Variants in UBR4 observed in about 807,000 individuals in gnomAD.
UBR4 encodes E3 ubiquitin-protein ligase UBR4.
UBR4 carries 124 observed loss-of-function variants against 575.6 expected under a neutral mutation model. That is an observed-to-expected ratio of 0.22 (90% CI 0.19 to 0.25). The LOEUF (loss-of-function observed/expected upper bound fraction) is 0.25, where lower values mean the gene tolerates loss of function less well. Among genes scored for constraint, UBR4 ranks in the 10% least tolerant of loss-of-function variants. The probability of loss-of-function intolerance (pLI) is 1.00; values close to 1 mark genes in which losing one functional copy is unlikely to be tolerated. For missense variants in UBR4, 4,818 were observed against 6,478.8 expected, an observed-to-expected ratio of 0.74 and a Z score of 8.80; for synonymous variants, 2,455 against 2,473.7, an observed-to-expected ratio of 0.99 and a Z score of 0.22.
At chr1:19,124,807 C>G in intron 64 of UBR4, 117 bp from the exon 65 acceptor site, 1 of 1,350,002 alleles carries the variant, frequency 7.4e-7, no homozygotes, top group Non-Finnish European at 1.0e-6. Context: ...GGGTGCCTTT[C>G]AGAGCTGGAA....
chr1:19,179,831 C>A (rs1054970544), intron 17 of UBR4, among the ~76,000 whole-genome samples: 2 of 152,178 alleles, frequency 1.3e-5, no homozygotes, highest in Admixed American at 6.5e-5. Context: ...GAGCAGGATG[C>A]CAATGGAAAA....
In UBR4 at chr1:19,197,235, C is replaced by T; in HGVS notation, c.924G>A (p.Met308Ile). 1 of 1,614,162 alleles carries T rather than the reference C, an allele frequency of 6.2e-7. No individual in the cohort carries two copies. Among genetic ancestry groups the T allele is most frequent in the East Asian group, 2.2e-5 (1 of 44,882 alleles). ...CAGGTAGAGAAAGGGTATCCAATGCCATAGTTACATCAATCACCAATGAAT... is the reference window on the plus strand; with the variant it reads ...CAGGTAGAGAAAGGGTATCCAATGCTATAGTTACATCAATCACCAATGAAT... ...GFHSLVIDVT[M>I]ALDTLSLPVL... Residue 308 changes from methionine to isoleucine, a missense_variant, in exon 8 of 106, where the codon ATG becomes ATA. Coordinates refer to ENST00000375254, the MANE Select transcript of UBR4 (RefSeq NM_020765.3).
chr1:19,189,406 A>T (rs562909546), intron 11 of UBR4, among the ~76,000 whole-genome samples: 76 of 152,386 alleles, frequency 5.0e-4, no homozygotes, highest in Non-Finnish European at 8.7e-4. Flanking sequence ...CATTTGGAAC[A>T]ATCTAAATAA....
chr1:19,093,959 T>C lies in UBR4; in HGVS notation c.13927A>G (p.Asn4643Asp), dbSNP rs750746095. Residue 4643 changes from asparagine to aspartate, a missense_variant, in exon 95 of 106, where the codon AAC becomes GAC. Around this residue, in one of 29 missense-constraint regions of UBR4, gnomAD observed 165 missense variants for 282.3 expected, o/e 0.58. Transcript: ENST00000375254. This position sits in a 1 kb window ranked among gnomAD's most constrained non-coding sequence, Gnocchi z 4.8. ...ILVERFKPYCNFDKYDEDHSG... is the reference protein window; with the variant it reads ...ILVERFKPYCDFDKYDEDHSG... ...ATCAAAGTAACATACTTATCAAAGT[T>C]GCAGTATGGTTTGAATCGCTCCACC... The C allele has an allele frequency of 3.1e-6, 5 of 1,612,934 alleles. No homozygotes were observed. In the African/African-American group the frequency reaches 5.3e-5, roughly 17 times the overall value.
At chr1:19,141,230 G>C in intron 57 of UBR4, 117 bp downstream of exon 57, 1 of 1,417,428 alleles carries the variant, frequency 7.1e-7, no homozygotes, top group Non-Finnish European at 9.7e-7. Context: ...CTCTCACCCA[G>C]ATCAACCTCT....
chr1:19,082,515 C>G (rs536407310), intron 102 of UBR4, among the ~76,000 whole-genome samples: 1 of 152,194 alleles, frequency 6.6e-6, no homozygotes, highest in Non-Finnish European at 1.5e-5. Context: ...CCTGATGACA[C>G]GCTTCTGGGT....
intron 43 of UBR4, 89 bp downstream of exon 43, chr1:19,155,352 A>C: frequency 7.4e-7 from 1 of 1,359,198 alleles, no homozygotes; most frequent in South Asian, 1.4e-5. Flanking sequence ...TCCACAGAAA[A>C]ATGTTATAAA....
chr1:19,182,091 CAT>C (rs1384165052), intron 17 of UBR4, among the ~76,000 whole-genome samples: 1 of 152,186 alleles, frequency 6.6e-6, no homozygotes, highest in African/African-American at 2.4e-5. Flanking sequence ...AATTTAGTAT[CAT>C]GTCTTTACGG....
intron 33 of UBR4, 84 bp downstream of exon 33, chr1:19,164,169 C>T (rs2087891640): frequency 2.1e-6 from 3 of 1,460,648 alleles, no homozygotes; most frequent in Admixed American, 4.8e-5. Flanking sequence ...CAAATTTCTT[C>T]TGTACTCACT....
At chr1:19,129,451 C>A (rs760969801) in intron 60 of UBR4, among the ~76,000 whole-genome samples, 2 of 152,194 alleles carry the variant, frequency 1.3e-5, no homozygotes, top group African/African-American at 4.8e-5. Context: ...CCCTATTCTG[C>A]CTCCAGACAT....
At position 19,193,485 on chromosome 1, in the gene UBR4, C is replaced by A. The variant is rs1358447823; in HGVS notation, c.1091G>T (p.Ser364Ile). Residue 364 changes from serine to isoleucine, a missense_variant, in exon 9 of 106, where the codon AGC becomes ATC. Transcript: ENST00000375254. The stretch of plus-strand genomic sequence containing the variant: ...ACTTTCATAGTCATCTTCTTTGGAG[C>A]TCGTGGACCCTGTCCGCACTTGCTG... ...SAQQVRTGST[S>I]SKEDDYESDA... 6.2e-7 allele frequency: 1 copy of A among 1,614,194 alleles called. No individual in the cohort carries two copies.
Position 19,150,602 on chromosome 1 carries a change from T to C in UBR4, c.7405A>G (p.Thr2469Ala), listed in dbSNP as rs184031321. The C allele has an allele frequency of 2.5e-6, 4 of 1,613,488 alleles. No homozygotes were observed. In the Admixed American group the frequency reaches 6.7e-5, roughly 27 times the overall value. The change falls in exon 49 of 106, where the codon ACG (threonine) becomes GCG (alanine). Residue 2469 changes from threonine (T) to alanine (A), a missense_variant. This residue lies in a region of UBR4 where 340 missense variants were observed against 375.4 expected (regional missense o/e 0.91). Coordinates refer to ENST00000375254, the MANE Select transcript of UBR4 (RefSeq NM_020765.3). ...CTCTCCAGGACAGTTCCACTGGTCG[T>C]AGTGGGGGCAGCTGAGTCGCTATCT... Reference protein sequence around the residue: ...TGDSDSAAPTTTSGTVLERLV... With the variant: ...TGDSDSAAPTATSGTVLERLV...
intron 29 of UBR4, among the ~76,000 whole-genome samples, chr1:19,166,285 C>G (rs1163967975): frequency 6.6e-6 from 1 of 152,190 alleles, no homozygotes; most frequent in Non-Finnish European, 1.5e-5. Flanking sequence ...GCCTAAACTA[C>G]CAAGGTCCAG....
At chr1:19,167,432 A>G (rs1463523709) in intron 28 of UBR4, among the ~76,000 whole-genome samples, 1 of 152,220 alleles carries the variant, frequency 6.6e-6, no homozygotes, top group African/African-American at 2.4e-5. Context: ...TTTCATTATT[A>G]TATCAGAAAC....
intron 102 of UBR4, chr1:19,082,085 T>C: frequency 2.6e-6 from 1 of 378,460 alleles, no homozygotes; most frequent in Non-Finnish European, 4.8e-6. Flanking sequence ...GTGCATGTGG[T>C]TCCTTTCCTA....
Position 19,196,810 on chromosome 1 carries a change from C to T in UBR4, c.1018+331G>A, listed in dbSNP as rs148222180. Among the ~76,000 whole-genome samples, 4 of 152,320 alleles carry T rather than the reference C, an allele frequency of 2.6e-5. No homozygotes were observed. In the East Asian group the frequency reaches 5.8e-4, roughly 22 times the overall value. On this transcript the variant is annotated intron_variant, in intron 8 of 105. Transcript: ENST00000375254. ...TTAGCTTTATGTGTTCTCTGCTGCT[C>T]AGATGTAGGCTCCTTGAGGGCAGAG...
chr1:19,193,769 GCACA>G (rs149482852), intron 8 of UBR4, among the ~76,000 whole-genome samples: 13 of 151,110 alleles, frequency 8.6e-5, no homozygotes, highest in Non-Finnish European at 1.8e-4. Context: ...TTACACGCGC[GCACA>G]CACACACACA....
rs1430389306 is a variant in UBR4 at position 19,139,749 on chromosome 1, GT to G, written c.8594-530del. On this transcript the variant is annotated intron_variant, in intron 58 of 105. Transcript: ENST00000375254. This position sits in a 1 kb window ranked among gnomAD's most constrained non-coding sequence, Gnocchi z 4.2. ...GAGCTCTTGAATCAACCCTGTTTTG[GT>G]TTTTTTAGCAAGTGGTCCAGAGGGG... Among the ~76,000 whole-genome samples the G allele has an allele frequency of 6.6e-6, 1 of 152,132 alleles. No individual in the cohort carries two copies. The highest frequency in any genetic ancestry group is 1.9e-4 in the East Asian group (1 of 5,188).
chr1:19,148,175 C>G (rs2085131058), intron 50 of UBR4, 48 bp from the exon 51 acceptor site: 3 of 1,569,368 alleles, frequency 1.9e-6, no homozygotes, highest in Non-Finnish European at 2.6e-6. Context: ...CAACTCAAGG[C>G]AGAATGAACT....
Sources: allele counts gnomAD v4.1 joint callset (sites outside exome capture counted in the v4.1 genomes callset), GRCh38; gene constraint gnomAD v4.1.1; regional missense constraint gnomAD v4.1.1; non-coding constraint Gnocchi (gnomAD v3.1); transcripts MANE v1.5; gene names NCBI Gene and HGNC (gene_info 2026-07-23, HGNC 2026-07-21).